Variants in LAMA2 observed in about 807,000 individuals in gnomAD.
LAMA2 encodes the protein laminin subunit alpha-2.
LAMA2 carries 269 observed loss-of-function variants against 364.8 expected under a neutral mutation model. The ratio of observed to expected loss-of-function variants is 0.74; its 90% CI spans 0.67 to 0.82. The LOEUF (loss-of-function observed/expected upper bound fraction) is 0.82. LAMA2 is among the 40% of genes least tolerant of loss of function. The pLI is 0.00. For synonymous variants in LAMA2, 1,379 were observed against 1,370.6 expected (o/e 1.01, Z -0.14); for missense variants, 3,807 against 3,873.2 (o/e 0.98, Z 0.45).
intron 1 of LAMA2, among the ~76,000 whole-genome samples, chr6:128,957,993 C>A (rs571141319): frequency 1.3e-5 from 2 of 152,022 alleles, no homozygotes; most frequent in East Asian, 3.9e-4. Context: ...TAATTCATTC[C>A]AGTAGGTTCT....
At chr6:129,404,345 T>C (rs1169419631) in intron 40 of LAMA2, among the ~76,000 whole-genome samples, 1 of 152,178 alleles carries the variant, frequency 6.6e-6, no homozygotes, top group East Asian at 1.9e-4. Flanking sequence ...CATATGAAGT[T>C]TGGCTATAAA....
intron 17 of LAMA2, among the ~76,000 whole-genome samples, chr6:129,276,649 C>A (rs1218529839): frequency 6.6e-6 from 1 of 152,102 alleles, no homozygotes; most frequent in Non-Finnish European, 1.5e-5. Flanking sequence ...TGCTCTGAAT[C>A]ATTTACCTGT....
intron 60 of LAMA2, 85 bp downstream of exon 60, chr6:129,503,365 G>C: frequency 7.7e-7 from 1 of 1,297,836 alleles, no homozygotes; most frequent in Non-Finnish European, 1.1e-6. Context: ...AGTATATTTT[G>C]CCAGGGCAGA....
intron 9 of LAMA2, among the ~76,000 whole-genome samples, chr6:129,176,687 T>G (rs1291906106): frequency 6.6e-6 from 1 of 152,196 alleles, no homozygotes; most frequent in Admixed American, 6.5e-5. Context: ...GAACCTAGTT[T>G]ATTTGAGTTC....
rs561270306 is a variant in LAMA2 at position 129,208,957 on chromosome 6, A to G, written c.1782+16104A>G. Among the ~76,000 whole-genome samples the G allele has an allele frequency of 9.9e-5, 15 of 152,256 alleles. No homozygotes were observed. The East Asian group carries it at 2.9e-3, about 29-fold the overall frequency. On this transcript the variant is annotated intron_variant, in intron 12 of 64. Transcript: ENST00000421865. ...TAAATGGCTTTTCTTTCCAGTTTTC[A>G]TCTGGGACTGGGTTTGAAGTGATCA...
chr6:129,444,614 T>C (rs1421114152), intron 44 of LAMA2, among the ~76,000 whole-genome samples: 2 of 152,196 alleles, frequency 1.3e-5, no homozygotes, highest in Non-Finnish European at 2.9e-5. Flanking sequence ...GTCATACTTA[T>C]GAGTTCAAAA....
chr6:129,364,091 C>T (rs560312477), intron 32 of LAMA2, among the ~76,000 whole-genome samples: 8 of 152,266 alleles, frequency 5.3e-5, no homozygotes, highest in East Asian at 1.9e-4. Context: ...CTGCAGGTGA[C>T]GCTCTACAGT....
intron 12 of LAMA2, among the ~76,000 whole-genome samples, chr6:129,223,842 A>G (rs1784050936): frequency 6.6e-6 from 1 of 152,138 alleles, no homozygotes; most frequent in Admixed American, 6.5e-5. Context: ...TTTTGGTTCC[A>G]TATGAACTTT....
At chr6:129,063,079 G>A (rs1188441148) in intron 3 of LAMA2, among the ~76,000 whole-genome samples, 1 of 151,990 alleles carries the variant, frequency 6.6e-6, no homozygotes, top group Non-Finnish European at 1.5e-5. Context: ...AGCATATTTT[G>A]AGCAAGTGAT....
At chr6:129,486,865 C>A (rs1168899452) in intron 56 of LAMA2, among the ~76,000 whole-genome samples, 1 of 152,160 alleles carries the variant, frequency 6.6e-6, no homozygotes, top group African/African-American at 2.4e-5. Flanking sequence ...TTTGGAAAAA[C>A]CAAATGCATT....
At chr6:129,374,744 ATTTTTTT>A (rs33988321) in intron 34 of LAMA2, among the ~76,000 whole-genome samples, 1 of 137,304 alleles carries the variant, frequency 7.3e-6, no homozygotes, top group African/African-American at 2.7e-5. Flanking sequence ...TGCCCAGCTA[ATTTTTTT>A]TTTTTTTTTT....
chr6:129,407,850 C>T (rs1780323818), intron 40 of LAMA2, among the ~76,000 whole-genome samples: 1 of 152,144 alleles, frequency 6.6e-6, no homozygotes, highest in Non-Finnish European at 1.5e-5. Context: ...TATGGGATCT[C>T]CTGTATTCCA....
intron 3 of LAMA2, among the ~76,000 whole-genome samples, chr6:129,084,861 A>G (rs1774279480): frequency 6.6e-6 from 1 of 152,176 alleles, no homozygotes; most frequent in East Asian, 1.9e-4. Context: ...CTTCATAATG[A>G]AATACTTCAT....
chr6:129,165,426 T>C, intron 8 of LAMA2, 150 bp from the exon 9 acceptor site: 8 of 569,722 alleles, frequency 1.4e-5, no homozygotes, highest in Non-Finnish European at 9.4e-6. Context: ...TTAGAAATTA[T>C]AAACATGTAT....
chr6:128,954,317 A>C (rs1327530171), intron 1 of LAMA2, among the ~76,000 whole-genome samples: 1 of 152,094 alleles, frequency 6.6e-6, no homozygotes, highest in Admixed American at 6.6e-5. Flanking sequence ...AGATTATAAT[A>C]TCTATAGTCC....
intron 12 of LAMA2, among the ~76,000 whole-genome samples, chr6:129,248,649 C>T (rs1297238848): frequency 1.3e-5 from 2 of 152,120 alleles, no homozygotes; most frequent in African/African-American, 4.8e-5. Context: ...CAATATTCTT[C>T]CCAAACCTCC....
chr6:129,143,048 A>G (rs1050582441), intron 4 of LAMA2, among the ~76,000 whole-genome samples: 1 of 151,946 alleles, frequency 6.6e-6, no homozygotes, highest in Non-Finnish European at 1.5e-5. Context: ...CACACAGTTT[A>G]TTCTTCATCA....
At chr6:128,917,706 T>TTTTTTTCTTTCTTTCTTTC (rs1554322937) in intron 1 of LAMA2, among the ~76,000 whole-genome samples, 1 of 98,364 alleles carries the variant, frequency 1.0e-5, no homozygotes, top group African/African-American at 4.0e-5. Context: ...TTTCTTTTTT[T>TTTTTTTCTTTCTTTCTTTC]TTTCTTTCTT....
At chr6:128,952,828 A>G (rs1313636172) in intron 1 of LAMA2, among the ~76,000 whole-genome samples, 4 of 152,168 alleles carry the variant, frequency 2.6e-5, no homozygotes, top group Non-Finnish European at 5.9e-5. Context: ...TGATCTGTCC[A>G]GGGAAGTACA....
Sources: gnomAD v4.1 joint callset for allele counts (sites outside exome capture counted in the v4.1 genomes callset) on GRCh38, gnomAD v4.1.1 for gene constraint, MANE v1.5 for transcripts, NCBI Gene and HGNC (gene_info 2026-07-23, HGNC 2026-07-21) for gene names.